PRKD1: variants seen among roughly 807,000 people sequenced by gnomAD.
PRKD1 encodes the protein serine/threonine-protein kinase D1.
Under a neutral mutation model 95.9 loss-of-function variants are expected in PRKD1, and 63 were observed. The ratio of observed to expected loss-of-function variants is 0.66; its 90% CI spans 0.54 to 0.81. The LOEUF is 0.81. Among genes scored for constraint, PRKD1 ranks in the 30% least tolerant of loss-of-function variants. PRKD1 has a pLI of 0.00. For missense variants in PRKD1, 1,048 were observed against 1,165.3 expected (o/e 0.90, Z 1.47); for synonymous variants, 425 against 423.1 (o/e 1.00, Z -0.05).
At chr14:29,652,289 T>C (rs964188901) in intron 4 of PRKD1, among the ~76,000 whole-genome samples, 14 of 152,132 alleles carry the variant, frequency 9.2e-5, no homozygotes, top group African/African-American at 3.4e-4. Context: ...AATCCGATTG[T>C]TTTTAAGACC....
intron 1 of PRKD1, among the ~76,000 whole-genome samples, chr14:29,746,169 T>C (rs1018412045): frequency 1.3e-5 from 2 of 148,508 alleles, no homozygotes; most frequent in African/African-American, 2.4e-5. Flanking sequence ...ATTCTCATTT[T>C]TGGTGCCACT....
chr14:29,801,979 G>C (rs1890052125), intron 1 of PRKD1, among the ~76,000 whole-genome samples: 1 of 152,134 alleles, frequency 6.6e-6, no homozygotes, highest in African/African-American at 2.4e-5. Context: ...TGAGCCACCA[G>C]GCCCGGCCTG....
intron 1 of PRKD1, among the ~76,000 whole-genome samples, chr14:29,924,444 C>T (rs899052499): frequency 1.3e-5 from 2 of 152,144 alleles, no homozygotes; most frequent in African/African-American, 4.8e-5. Context: ...GCCTTGTACA[C>T]CTCAGTTGCT....
chr14:29,649,457 A>T (rs1594394726), intron 4 of PRKD1, among the ~76,000 whole-genome samples: 1 of 145,800 alleles, frequency 6.9e-6, no homozygotes, highest in African/African-American at 2.6e-5. Flanking sequence ...TTTTGTGTTT[A>T]CTGGTGAAGT....
chr14:29,867,455 CTCA>C (rs1393769820), intron 1 of PRKD1, among the ~76,000 whole-genome samples: 1 of 152,126 alleles, frequency 6.6e-6, no homozygotes, highest in Non-Finnish European at 1.5e-5. Flanking sequence ...AGATCCTGGC[CTCA>C]TCTGTGCACA....
chr14:29,810,086 C>T (rs1360974119), intron 1 of PRKD1, among the ~76,000 whole-genome samples: 5 of 152,144 alleles, frequency 3.3e-5, no homozygotes, highest in Non-Finnish European at 7.4e-5. Context: ...AACACACACA[C>T]TTAAGTTCGC....
intron 1 of PRKD1, among the ~76,000 whole-genome samples, chr14:29,759,965 T>G (rs1218462029): frequency 6.6e-6 from 1 of 152,178 alleles, no homozygotes; most frequent in Non-Finnish European, 1.5e-5. Flanking sequence ...AAAGTTAAAA[T>G]AGTCTGGCCA....
At chr14:29,665,864 A>T (rs944410227) in intron 3 of PRKD1, among the ~76,000 whole-genome samples, 1 of 152,130 alleles carries the variant, frequency 6.6e-6, no homozygotes, top group African/African-American at 2.4e-5. Flanking sequence ...AAAAAAACCT[A>T]TATTTTCTCA....
intron 4 of PRKD1, among the ~76,000 whole-genome samples, chr14:29,641,265 T>C (rs1453461088): frequency 1.3e-5 from 2 of 152,192 alleles, no homozygotes; most frequent in Non-Finnish European, 2.9e-5. Flanking sequence ...TTTAATAGCA[T>C]TAATAAAGAG....
intron 13 of PRKD1, among the ~76,000 whole-genome samples, chr14:29,602,941 G>A (rs1410831775): frequency 6.6e-6 from 1 of 152,142 alleles, no homozygotes; most frequent in African/African-American, 2.4e-5. Flanking sequence ...CATGTTCACC[G>A]TCAGCTCTGA....
rs561053594 is a variant in PRKD1 at position 29,777,963 on chromosome 14, T to C, written c.265-52289A>G. 7.2e-5 allele frequency among the ~76,000 whole-genome samples: 11 copies of C among 152,284 alleles called. No individual in the cohort carries two copies. In the South Asian group the frequency reaches 2.3e-3, roughly 32 times the overall value. On this transcript the variant is annotated intron_variant, in intron 1 of 17. Coordinates refer to ENST00000331968, the MANE Select transcript of PRKD1 (RefSeq NM_002742.3). ...AACTGTCTCTCAGACCACAGTGCAA[T>C]CAAACTAGAACTCAGGATTAAGAAA...
chr14:29,720,973 G>C (rs1263911797), intron 2 of PRKD1, among the ~76,000 whole-genome samples: 1 of 152,252 alleles, frequency 6.6e-6, no homozygotes, highest in Middle Eastern at 3.4e-3. Context: ...TGGGATAAAG[G>C]AAATGTCATC....
chr14:29,684,291 C>T (rs952225047), intron 2 of PRKD1, among the ~76,000 whole-genome samples: 1 of 152,064 alleles, frequency 6.6e-6, no homozygotes, highest in African/African-American at 2.4e-5. Context: ...GCTGGGATTA[C>T]AGGTATGTGC....
chr14:29,632,931 A>G lies in PRKD1; in HGVS notation c.1330T>C (p.Trp444Arg). The change falls in exon 9 of 18, where the codon TGG becomes CGG. Residue 444 changes from tryptophan to arginine, a missense_variant. Trp to Arg is a moderately radical substitution (Grantham distance 101). Coordinates refer to ENST00000331968, the MANE Select transcript of PRKD1 (RefSeq NM_002742.3). Reference sequence around the variant, plus strand: ...GTAATACATTTGCTATCCAATCTCCAATAGTGCCGTTTCCGCTGAAACAGA... The same window carrying G: ...GTAATACATTTGCTATCCAATCTCCGATAGTGCCGTTTCCGCTGAAACAGA... ...SKDTLRKRHY[W>R]RLDSKCITLF... The G allele has an allele frequency of 6.2e-7, 1 of 1,613,546 alleles. No homozygotes were observed. Among genetic ancestry groups the G allele is most frequent in the Non-Finnish European group, 8.5e-7 (1 of 1,179,492 alleles).
intron 16 of PRKD1, among the ~76,000 whole-genome samples, chr14:29,596,740 T>G (rs760765689): frequency 6.6e-6 from 1 of 152,148 alleles, no homozygotes; most frequent in African/African-American, 2.4e-5. Context: ...CTTATAGAAT[T>G]TTTATGAGAA....
At chr14:29,696,850 C>CT (rs974301157) in intron 2 of PRKD1, among the ~76,000 whole-genome samples, 13 of 151,930 alleles carry the variant, frequency 8.6e-5, no homozygotes, top group African/African-American at 3.1e-4. Context: ...TGAGTGGTAA[C>CT]TTATACTCAG....
At chr14:29,814,933 A>AC (rs1890633527) in intron 1 of PRKD1, among the ~76,000 whole-genome samples, 2 of 152,226 alleles carry the variant, frequency 1.3e-5, no homozygotes, top group Non-Finnish European at 2.9e-5. Context: ...TTTAATATTT[A>AC]AATAAGTGCC....
At chr14:29,618,445 G>A (rs1295105711) in intron 13 of PRKD1, among the ~76,000 whole-genome samples, 4 of 151,966 alleles carry the variant, frequency 2.6e-5, no homozygotes, top group Non-Finnish European at 5.9e-5. Flanking sequence ...TAGTAGACAT[G>A]GGGTTTCACC....
intron 1 of PRKD1, among the ~76,000 whole-genome samples, chr14:29,895,296 G>A (rs954910352): frequency 2.6e-5 from 4 of 152,100 alleles, no homozygotes; most frequent in Non-Finnish European, 5.9e-5. Flanking sequence ...CAGCCTGGGC[G>A]ACAGAGTGAG....
Sources: allele counts gnomAD v4.1 joint callset (sites outside exome capture counted in the v4.1 genomes callset), GRCh38; gene constraint gnomAD v4.1.1; transcripts MANE v1.5; gene names NCBI Gene and HGNC (gene_info 2026-07-23, HGNC 2026-07-21).